Variants in CDC42BPA observed in about 807,000 individuals in gnomAD.
CDC42BPA encodes serine/threonine-protein kinase MRCK alpha.
CDC42BPA carries 80 observed loss-of-function variants against 223.5 expected under a neutral mutation model. That is an observed-to-expected ratio of 0.36 (90% CI 0.30 to 0.43). The LOEUF (loss-of-function observed/expected upper bound fraction) is 0.43, where lower values mean the gene tolerates loss of function less well. Among genes scored for constraint, CDC42BPA ranks in the 20% least tolerant of loss-of-function variants. CDC42BPA has a pLI of 1.00. For missense variants in CDC42BPA, 1,743 were observed against 2,099.9 expected (o/e 0.83, Z 3.32); for synonymous variants, 694 against 718.6 (o/e 0.97, Z 0.55).
intron 35 of CDC42BPA, chr1:227,004,647 T>C: frequency 6.6e-6 from 2 of 302,362 alleles, no homozygotes; most frequent in South Asian, 7.5e-5. Context: ...AGGGAGTGAT[T>C]TTCCTAATTA....
chr1:227,137,262 G>A (rs542726953), intron 10 of CDC42BPA, among the ~76,000 whole-genome samples: 1 of 152,180 alleles, frequency 6.6e-6, no homozygotes, highest in East Asian at 1.9e-4. Flanking sequence ...TACATGAAAA[G>A]ATATTCAACC....
At position 227,221,229 on chromosome 1, in the gene CDC42BPA, C is replaced by T. The variant is rs1015562321; in HGVS notation, c.271-8010G>A. 5.9e-5 allele frequency among the ~76,000 whole-genome samples: 9 copies of T among 152,232 alleles called. No homozygotes were observed. The East Asian group carries it at 1.7e-3, about 29-fold the overall frequency. ...TTGCTGTAACCTGTTAAATATTGTT[C>T]CCCAAGGATCTCTACTCCACCTTTT... is the stretch of plus-strand genomic sequence containing the variant. On this transcript the variant is annotated intron_variant, in intron 2 of 36. Transcript: ENST00000366766.
At chr1:227,044,598 G>A (rs1055534703) in intron 23 of CDC42BPA, among the ~76,000 whole-genome samples, 1 of 152,096 alleles carries the variant, frequency 6.6e-6, no homozygotes, top group South Asian at 2.1e-4. Context: ...ATCTATATGG[G>A]CGGGGCAGAG....
chr1:227,114,298 C>A (rs16847106), intron 12 of CDC42BPA, among the ~76,000 whole-genome samples: 4,796 of 151,750 alleles, frequency 0.032, 225 homozygotes, highest in African/African-American at 0.11. Context: ...ACAACAGCAA[C>A]AGAAACAGGG....
intron 1 of CDC42BPA, among the ~76,000 whole-genome samples, chr1:227,306,429 TATG>T (rs1160424475): frequency 6.6e-6 from 1 of 152,062 alleles, no homozygotes; most frequent in East Asian, 1.9e-4. Context: ...AAGAGACAAA[TATG>T]ATGATCACAC....
intron 32 of CDC42BPA, 69 bp downstream of exon 32, chr1:227,023,194 C>T (rs955940231): frequency 1.3e-6 from 1 of 752,584 alleles, no homozygotes; most frequent in Admixed American, 2.5e-5. Flanking sequence ...ATTAATGTGA[C>T]CTTGGGCAGT....
intron 21 of CDC42BPA, among the ~76,000 whole-genome samples, chr1:227,066,015 G>A (rs560476269): frequency 2.0e-5 from 3 of 152,264 alleles, no homozygotes; most frequent in East Asian, 1.9e-4. Context: ...GAGCCTTACC[G>A]CAAAGGGCAG....
chr1:227,091,661 A>T (rs1237441731), intron 16 of CDC42BPA, among the ~76,000 whole-genome samples: 1 of 152,244 alleles, frequency 6.6e-6, no homozygotes, highest in African/African-American at 2.4e-5. Context: ...GGCTCAAAAA[A>T]ATATATGGGA....
chr1:227,241,222 A>G (rs1027162814), intron 2 of CDC42BPA, among the ~76,000 whole-genome samples: 2 of 152,140 alleles, frequency 1.3e-5, no homozygotes, highest in African/African-American at 4.8e-5. Flanking sequence ...AAAAAATATT[A>G]GGCAAGAACA....
intron 5 of CDC42BPA, chr1:227,180,679 T>C (rs1359320720): frequency 6.6e-6 from 1 of 152,240 alleles, no homozygotes; most frequent in Non-Finnish European, 1.5e-5. Context: ...GTAAATTATC[T>C]ACGTAGTGCT....
chr1:227,253,438 A>C (rs1176445084), intron 2 of CDC42BPA, among the ~76,000 whole-genome samples: 3 of 152,270 alleles, frequency 2.0e-5, no homozygotes, highest in Middle Eastern at 3.4e-3. Flanking sequence ...TTGACTAAAA[A>C]TACAAAAATT....
intron 23 of CDC42BPA, among the ~76,000 whole-genome samples, chr1:227,042,222 A>G (rs1166685999): frequency 2.0e-5 from 3 of 151,896 alleles, no homozygotes; most frequent in African/African-American, 7.3e-5. Context: ...AACAGTAGCA[A>G]TGAAACAACT....
At chr1:227,168,658 G>T (rs1665559910) in intron 5 of CDC42BPA, among the ~76,000 whole-genome samples, 1 of 151,792 alleles carries the variant, frequency 6.6e-6, no homozygotes, top group Non-Finnish European at 1.5e-5. Context: ...ACCACGTCCG[G>T]CTAATTTTTT....
chr1:227,268,652 G>GTATA (rs774492052), intron 1 of CDC42BPA, among the ~76,000 whole-genome samples: 77 of 138,692 alleles, frequency 5.6e-4, no homozygotes, highest in African/African-American at 1.8e-3. Flanking sequence ...TAGTGTGTGT[G>GTATA]TATATATATA....
At chr1:227,301,398 T>C (rs2148733589) in intron 1 of CDC42BPA, among the ~76,000 whole-genome samples, 1 of 151,818 alleles carries the variant, frequency 6.6e-6, no homozygotes, top group South Asian at 2.1e-4. Flanking sequence ...TCTCACTCTG[T>C]CGCCAAGCTA....
chr1:227,244,892 C>T (rs1680642466), intron 2 of CDC42BPA, among the ~76,000 whole-genome samples: 1 of 152,214 alleles, frequency 6.6e-6, no homozygotes, highest in Admixed American at 6.5e-5. Flanking sequence ...AGCGCAGAGA[C>T]TCAGTGCTGC....
intron 10 of CDC42BPA, among the ~76,000 whole-genome samples, chr1:227,138,095 ACG>A (rs1250843043): frequency 6.6e-5 from 10 of 152,134 alleles, no homozygotes; most frequent in Non-Finnish European, 1.2e-4. Flanking sequence ...TTAACAACTT[ACG>A]GAAAAACAGA....
Position 226,994,850 on chromosome 1 carries a change from A to G in CDC42BPA, c.5106T>C (p.Asp1702=). 6.2e-7 allele frequency: 1 copy of G among 1,613,362 alleles called. No homozygotes were observed. The highest frequency in any genetic ancestry group is 8.5e-7 in the Non-Finnish European group (1 of 1,179,568). The change falls in exon 36 of 37, where the codon GAT becomes GAC. Residue 1702 remains aspartate (D), a synonymous_variant. Transcript: ENST00000366766. The surrounding 1 kb of genome is among the most constrained non-coding windows in gnomAD (Gnocchi z 4.0). ...CTCCGTCAAAGTCCCTCGCTGGGGC[A>G]TCACTTCCTTGGTCCATGCCTCCAG... ...LSSGGMDQGS[D]APARDFDGED... is the part of the protein sequence containing the mutation.
intron 15 of CDC42BPA, among the ~76,000 whole-genome samples, chr1:227,095,513 T>G (rs1158507916): frequency 6.6e-6 from 1 of 152,092 alleles, no homozygotes; most frequent in African/African-American, 2.4e-5. Context: ...TGATGACTTA[T>G]TTACCCTTAG....
Sources: gnomAD v4.1 joint callset for allele counts (sites outside exome capture counted in the v4.1 genomes callset) on GRCh38, gnomAD v4.1.1 for gene constraint, Gnocchi (gnomAD v3.1) non-coding constraint, MANE v1.5 for transcripts, NCBI Gene and HGNC (gene_info 2026-07-23, HGNC 2026-07-21) for gene names.